GABRA1: variants seen among roughly 807,000 people sequenced by gnomAD.
GABRA1 encodes the protein gamma-aminobutyric acid type A receptor subunit alpha1.
A neutral mutation model predicts 48.9 loss-of-function variants in GABRA1; 9 were observed. That is an observed-to-expected ratio of 0.18 (90% CI 0.11 to 0.32). The LOEUF is 0.32. Among genes scored for constraint, GABRA1 ranks in the 10% least tolerant of loss-of-function variants. The pLI is 1.00. For missense variants in GABRA1, 285 were observed against 553.8 expected (o/e 0.51, Z 4.87); for synonymous variants, 210 against 198.7 (o/e 1.06, Z -0.48).
At chr5:161,873,453 C>A (rs1299285252) in intron 5 of GABRA1, 116 bp downstream of exon 5, 1 of 828,144 alleles carries the variant, frequency 1.2e-6, no homozygotes, top group Non-Finnish European at 2.0e-6. Context: ...GTTTTTCAAC[C>A]TTAACAATCT....
chr5:161,854,113 G>T (rs564553410), intron 2 of GABRA1, 45 bp from the exon 3 acceptor site: 2 of 973,756 alleles, frequency 2.1e-6, no homozygotes, highest in East Asian at 4.8e-5. Flanking sequence ...GGTTTTAGTA[G>T]AAATGTATAA....
At chr5:161,881,524 C>A (rs765287852) in intron 6 of GABRA1, among the ~76,000 whole-genome samples, 1 of 152,084 alleles carries the variant, frequency 6.6e-6, no homozygotes, top group African/African-American at 2.4e-5. Context: ...TGTAACTCAT[C>A]ATCATGGAAA....
chr5:161,850,384 C>A (rs1252782105), intron 1 of GABRA1: 3 of 392,306 alleles, frequency 7.6e-6, no homozygotes, highest in Non-Finnish European at 1.4e-5. Flanking sequence ...GTTAGAGACA[C>A]CAGCTTAAAA....
At chr5:161,859,112 G>A (rs1757758059) in intron 3 of GABRA1, among the ~76,000 whole-genome samples, 1 of 151,468 alleles carries the variant, frequency 6.6e-6, no homozygotes, top group East Asian at 1.9e-4. Context: ...TTTGGTTTTG[G>A]GGGTTTTGTT....
At chr5:161,870,727 G>T (rs1037965068) in intron 4 of GABRA1, among the ~76,000 whole-genome samples, 1 of 152,188 alleles carries the variant, frequency 6.6e-6, no homozygotes, top group African/African-American at 2.4e-5. Flanking sequence ...CTAATGAACT[G>T]TGCCCATGGG....
At chr5:161,883,940 A>G (rs1015259357) in intron 7 of GABRA1, among the ~76,000 whole-genome samples, 2 of 151,934 alleles carry the variant, frequency 1.3e-5, no homozygotes, top group East Asian at 3.9e-4. Flanking sequence ...TCCAAGTGGC[A>G]TAGTGGAAAG....
chr5:161,898,080 G>T lies in GABRA1; in HGVS notation c.*658G>T, dbSNP rs1755455570. 6.6e-6 allele frequency: 1 copy of T among 151,846 alleles called. No homozygotes were observed. The highest frequency in any genetic ancestry group is 6.6e-5 in the Admixed American group (1 of 15,210). 9.4% of individuals were successfully genotyped at this position (151,846 alleles called of 1,614,324 possible). A position where few individuals can be genotyped will look rare whatever the true frequency, so the allele number is the denominator to read the frequency against. ...ATACGTAAAGGTGCAGTTGCTCATTGTAGAGCACATTTAGTCCAATGAAGA... is the reference window on the plus strand; with the variant it reads ...ATACGTAAAGGTGCAGTTGCTCATTTTAGAGCACATTTAGTCCAATGAAGA... On this transcript the variant is annotated 3_prime_UTR_variant, in exon 10 of 10. Coordinates refer to ENST00000393943, the MANE Select transcript of GABRA1 (RefSeq NM_001127644.2).
rs1182453358 is a variant in GABRA1, at chr5:161,850,635, T to C, written c.-15-161T>C. 4 of 645,608 alleles carry C rather than the reference T, an allele frequency of 6.2e-6. No homozygotes were observed. The East Asian group carries it at 8.1e-5, about 13-fold the overall frequency. 40.0% of individuals were successfully genotyped at this position (645,608 alleles called of 1,614,324 possible). A position where few individuals can be genotyped will look rare whatever the true frequency, so the allele number is the denominator to read the frequency against. ...GAGAAATGGAAGGGAAAGTGGAGAA[T>C]GGATGGTCCAGGTTTCCATTGCTTC... On this transcript the variant is annotated intron_variant, in intron 1 of 9. Transcript: ENST00000393943.
chr5:161,887,829 T>G (rs1291337626), intron 7 of GABRA1, among the ~76,000 whole-genome samples: 1 of 152,088 alleles, frequency 6.6e-6, no homozygotes, highest in Non-Finnish European at 1.5e-5. Context: ...AAAAAGTGCT[T>G]TCACTCAGAT....
chr5:161,873,934 C>G (rs1754233448), intron 5 of GABRA1, among the ~76,000 whole-genome samples: 2 of 151,986 alleles, frequency 1.3e-5, no homozygotes, highest in African/African-American at 2.4e-5. Context: ...TGTTGAATAC[C>G]TTATGACTGA....
chr5:161,870,522 G>A (rs866746537), intron 4 of GABRA1, among the ~76,000 whole-genome samples: 3 of 149,402 alleles, frequency 2.0e-5, no homozygotes, highest in Middle Eastern at 3.4e-3. Context: ...AGCTATGACC[G>A]CGTTATTGCA....
intron 3 of GABRA1, among the ~76,000 whole-genome samples, chr5:161,864,663 T>A (rs1757984255): frequency 6.6e-6 from 1 of 151,916 alleles, no homozygotes; most frequent in South Asian, 2.1e-4. Flanking sequence ...TTTAAGATAC[T>A]CTTGGGAAAT....
Position 161,897,682 on chromosome 5 carries a change from AG to A in GABRA1, c.*265del, listed in dbSNP as rs904747467. ...AAGGAGACAGAATGAGAGAGAAAAG[AG>A]GGGGAAGATGGTTCAAAGATACAAG... On this transcript the variant is annotated 3_prime_UTR_variant, in exon 10 of 10. Transcript: ENST00000393943. 228 of 447,560 alleles carry A rather than the reference AG, an allele frequency of 5.1e-4. No individual in the cohort carries two copies. The highest frequency in any genetic ancestry group is 7.5e-4 in the Non-Finnish European group (189 of 252,872). The allele number at this position is 447,560 out of a possible 1,614,324, so 27.7% of individuals were successfully genotyped here. A position where few individuals can be genotyped will look rare whatever the true frequency, so the allele number is the denominator to read the frequency against.
chr5:161,870,932 C>T lies in GABRA1; in HGVS notation c.256-2185C>T, dbSNP rs189568202. ...GCAGAAAATGGAAATGAAGATTAAC[C>T]AGCGAGTGTTGCTCTGTGTGTGTGT... On this transcript the variant is annotated intron_variant, in intron 4 of 9. Transcript: ENST00000393943. Among the ~76,000 whole-genome samples, 826 of 148,840 alleles carry T rather than the reference C, an allele frequency of 5.5e-3. 6 individuals are homozygous for T. Among genetic ancestry groups the T allele is most frequent in the African/African-American group, 0.019 (762 of 39,732 alleles).
At chr5:161,855,868 C>A (rs1757625947) in intron 3 of GABRA1, among the ~76,000 whole-genome samples, 1 of 151,384 alleles carries the variant, frequency 6.6e-6, no homozygotes, top group Admixed American at 6.6e-5. Flanking sequence ...TAAAAAATTT[C>A]TCTTCATCCT....
At position 161,895,781 on chromosome 5, in the gene GABRA1, G is replaced by T. The variant is rs145617915; in HGVS notation, c.972G>T (p.Val324=). ...DWFIAVCYAF[V]FSALIEFATV... ...TTATTGCCGTGTGCTATGCCTTTGT[G>T]TTCTCAGCTCTGATTGAGTTTGCCA... The change falls in exon 9 of 10, where the codon GTG becomes GTT. Residue 324 remains valine (V), a synonymous_variant. Transcript: ENST00000393943. 46 of 1,613,826 alleles carry T rather than the reference G, an allele frequency of 2.9e-5. No homozygotes were observed. Among genetic ancestry groups the T allele is most frequent in the Non-Finnish European group, 3.8e-5 (45 of 1,179,964 alleles).
intron 7 of GABRA1, 137 bp downstream of exon 7, chr5:161,882,838 T>G (rs1754675242): frequency 1.2e-6 from 1 of 838,730 alleles, no homozygotes; most frequent in Admixed American, 2.0e-5. Flanking sequence ...AGCTGGGAAC[T>G]AATGTAAACT....
intron 6 of GABRA1, among the ~76,000 whole-genome samples, chr5:161,881,206 C>A (rs1186715650): frequency 6.6e-6 from 1 of 152,050 alleles, no homozygotes; most frequent in Non-Finnish European, 1.5e-5. Flanking sequence ...ATGATGCCTC[C>A]CCCTCAAAAA....
intron 8 of GABRA1, among the ~76,000 whole-genome samples, chr5:161,893,042 T>TA (rs1230368788): frequency 2.5e-4 from 32 of 130,404 alleles, no homozygotes; most frequent in Admixed American, 4.6e-4. Context: ...ATAATAATAA[T>TA]AATAATAAAA....
Sources: allele counts gnomAD v4.1 joint callset (sites outside exome capture counted in the v4.1 genomes callset), GRCh38; gene constraint gnomAD v4.1.1; transcripts MANE v1.5; gene names NCBI Gene and HGNC (gene_info 2026-07-23, HGNC 2026-07-21).